The following CCDC30 variants were observed in gnomAD, a reference collection of about 807,000 sequenced individuals.
CCDC30 encodes coiled-coil domain-containing protein 30.
CCDC30 carries 70 observed loss-of-function variants against 100.2 expected under a neutral mutation model. The observed-to-expected ratio is 0.70, with a 90% CI of 0.58 to 0.85. CCDC30 has a LOEUF of 0.85. Ranked by LOEUF, CCDC30 falls within the 40% of genes least tolerant of loss-of-function variation. CCDC30 has a pLI of 0.00. For synonymous variants in CCDC30, 233 were observed against 269.5 expected (o/e 0.86, Z 1.33); for missense variants, 652 against 771.2 (o/e 0.85, Z 1.83).
At chr1:42,502,825 C>G (rs1422991026) in intron 6 of CCDC30, among the ~76,000 whole-genome samples, 1 of 152,186 alleles carries the variant, frequency 6.6e-6, no homozygotes, top group Non-Finnish European at 1.5e-5. Context: ...TTTCACTTAG[C>G]ATAATGTTTT....
chr1:42,602,601 A>G (rs935534727), intron 10 of CCDC30, among the ~76,000 whole-genome samples: 23 of 152,266 alleles, frequency 1.5e-4, no homozygotes, highest in Non-Finnish European at 8.8e-5. Context: ...ACAAGAAGAA[A>G]TAGACAATTG....
intron 6 of CCDC30, among the ~76,000 whole-genome samples, chr1:42,558,654 G>T (rs1645422750): frequency 6.6e-6 from 1 of 152,022 alleles, no homozygotes; most frequent in South Asian, 2.1e-4. Flanking sequence ...CCAAAGTGAG[G>T]GTTCTGCTAC....
In CCDC30 at chr1:42,490,662, C is replaced by G. The variant is rs1644123896; in HGVS notation, c.241+433C>G. Among the ~76,000 whole-genome samples, 3 of 152,178 alleles carry G rather than the reference C, an allele frequency of 2.0e-5. No individual in the cohort carries two copies. The South Asian group carries it at 6.2e-4, about 32-fold the overall frequency. The stretch of plus-strand genomic sequence containing the variant: ...CTCACAACAGTCTATGGCCATACCA[C>G]CCTGAACACACATATCTCATCTAAT... On this transcript the variant is annotated intron_variant, in intron 4 of 16. Transcript: ENST00000668663.
At chr1:42,472,226 C>A (rs1056578189) in intron 1 of CCDC30, among the ~76,000 whole-genome samples, 4 of 152,116 alleles carry the variant, frequency 2.6e-5, no homozygotes, top group African/African-American at 4.8e-5. Context: ...GCACTCCAGC[C>A]TGGGCAACAG....
chr1:42,526,019 G>A (rs1315532273), intron 6 of CCDC30, among the ~76,000 whole-genome samples: 2 of 152,168 alleles, frequency 1.3e-5, no homozygotes, highest in Non-Finnish European at 2.9e-5. Context: ...TTTTCTCTGT[G>A]TGGCTCCCTT....
At chr1:42,556,519 GT>G in intron 6 of CCDC30, 114 bp downstream of exon 10, 1 of 1,157,826 alleles carries the variant, frequency 8.6e-7, no homozygotes, top group Non-Finnish European at 1.2e-6. Flanking sequence ...ATTTTTTTAG[GT>G]ACATAGTAGA....
intron 6 of CCDC30, among the ~76,000 whole-genome samples, chr1:42,528,834 C>T (rs939991719): frequency 5.9e-5 from 9 of 152,194 alleles, no homozygotes; most frequent in Non-Finnish European, 4.4e-5. Context: ...ATCTACCTCC[C>T]TCTTTGACAA....
intron 10 of CCDC30, chr1:42,593,074 A>G (rs1463595640): frequency 6.6e-6 from 1 of 152,196 alleles, no homozygotes; most frequent in African/African-American, 2.4e-5. Context: ...ATGTACAAAA[A>G]TGTAAGTCAG....
At chr1:42,548,178 G>T (rs530960593) in intron 6 of CCDC30, among the ~76,000 whole-genome samples, 9 of 152,262 alleles carry the variant, frequency 5.9e-5, no homozygotes, top group African/African-American at 2.2e-4. Context: ...GATCATGAAG[G>T]GACACGAAGA....
chr1:42,484,126 A>G (rs1644011448), intron 3 of CCDC30, among the ~76,000 whole-genome samples: 1 of 146,416 alleles, frequency 6.8e-6, no homozygotes. Flanking sequence ...TTAAAAACAA[A>G]TAATAATAAA....
chr1:42,536,545 A>G (rs1207846928), intron 6 of CCDC30: 2 of 1,613,010 alleles, frequency 1.2e-6, no homozygotes, highest in Non-Finnish European at 1.7e-6. Flanking sequence ...AGAGAGAGAG[A>G]AGCAGTTGGC....
intron 11 of CCDC30, among the ~76,000 whole-genome samples, chr1:42,623,067 T>A (rs1646870746): frequency 6.6e-6 from 1 of 152,254 alleles, no homozygotes; most frequent in African/African-American, 2.4e-5. Flanking sequence ...TTGACCATTT[T>A]AAAATCAGAT....
intron 6 of CCDC30, among the ~76,000 whole-genome samples, chr1:42,553,652 T>TACACACACACACACACACACAC (rs60429759): frequency 2.2e-5 from 3 of 133,832 alleles, no homozygotes; most frequent in South Asian, 5.2e-4. Context: ...TGAGATTCCA[T>TACACACACACACACACACACAC]ACACACACAC....
chr1:42,644,330 T>A (rs536671698), intron 13 of CCDC30, among the ~76,000 whole-genome samples: 1 of 152,056 alleles, frequency 6.6e-6, no homozygotes, highest in African/African-American at 2.4e-5. Context: ...GAGAGGCCTG[T>A]CTCTCTTTTT....
At chr1:42,655,531 A>G (rs1378972382), downstream of CCDC30, among the ~76,000 whole-genome samples, 1 of 152,126 alleles carries the variant, frequency 6.6e-6, no homozygotes, top group African/African-American at 2.4e-5. Context: ...TGGGTGACAG[A>G]GCAAGACTCC....
rs369333542 is a variant in CCDC30 at position 42,641,295 on chromosome 1, C to A, written c.1420-1178C>A. Among the ~76,000 whole-genome samples, 267 of 151,084 alleles carry A rather than the reference C, an allele frequency of 1.8e-3. 2 individuals are homozygous for A. The highest frequency in any genetic ancestry group is 5.9e-3 in the African/African-American group (242 of 41,104). On this transcript the variant is annotated intron_variant, in intron 12 of 16. Transcript: ENST00000668663. Reference sequence around the variant, plus strand: ...GTCTCACCATGTTGACCAGGCTGGTCTCAAACTCCTGGGCTCAAGCAATCC... The same window carrying A: ...GTCTCACCATGTTGACCAGGCTGGTATCAAACTCCTGGGCTCAAGCAATCC...
chr1:42,588,425 G>T (rs1646119997), intron 9 of CCDC30, among the ~76,000 whole-genome samples: 1 of 152,152 alleles, frequency 6.6e-6, no homozygotes, highest in South Asian at 2.1e-4. Flanking sequence ...CAAGTGTGAT[G>T]ACCCAGTGTC....
At chr1:42,644,647 T>G (rs1647728241) in intron 13 of CCDC30, 46 bp from the exon 18 acceptor site, 2 of 1,200,236 alleles carry the variant, frequency 1.7e-6, no homozygotes, top group Non-Finnish European at 1.2e-6. Flanking sequence ...TTTTTAGTAA[T>G]GATACAGAAA....
At chr1:42,638,626 C>G (rs896464557) in intron 12 of CCDC30, among the ~76,000 whole-genome samples, 1 of 151,164 alleles carries the variant, frequency 6.6e-6, no homozygotes, top group Non-Finnish European at 1.5e-5. Context: ...GTAATCCCAG[C>G]ACTTTGGGAG....
Sources: gnomAD v4.1 joint callset for allele counts (sites outside exome capture counted in the v4.1 genomes callset) on GRCh38, gnomAD v4.1.1 for gene constraint, MANE v1.5 for transcripts, NCBI Gene and HGNC (gene_info 2026-07-23, HGNC 2026-07-21) for gene names.